TECR: variants seen among roughly 807,000 people sequenced by gnomAD.
TECR encodes trans-2,3-enoyl-CoA reductase, also known as very-long-chain enoyl-CoA reductase.
A neutral mutation model predicts 50.6 loss-of-function variants in TECR; 19 were observed. That is an observed-to-expected ratio of 0.38 (90% CI 0.26 to 0.55). The LOEUF (loss-of-function observed/expected upper bound fraction) is 0.55, where lower values mean the gene tolerates loss of function less well. TECR is among the 20% of genes least tolerant of loss of function. The pLI is 0.79. For synonymous variants in TECR, 168 were observed against 163.5 expected, an observed-to-expected ratio of 1.03 and a Z score of -0.21; for missense variants, 313 against 408.3, an observed-to-expected ratio of 0.77 and a Z score of 2.01.
intron 1 of TECR, among the ~76,000 whole-genome samples, chr19:14,543,771 C>G (rs924252555): frequency 2.0e-5 from 3 of 148,480 alleles, no homozygotes; most frequent in African/African-American, 7.5e-5. Flanking sequence ...CAGAGTCTCC[C>G]TTTGTTGCCC....
chr19:14,532,903 A>G lies in TECR; in HGVS notation c.15+3192A>G, dbSNP rs148501152. Among the ~76,000 whole-genome samples, 1,141 of 152,058 alleles carry G rather than the reference A, an allele frequency of 7.5e-3. 14 individuals are homozygous for G. The highest frequency in any genetic ancestry group is 0.026 in the African/African-American group (1,094 of 41,462). ...GACGGGTGAATCACTTGAAGTCAGG[A>G]GTTCGAGACCAGCCTGGTCAACATG... is the stretch of plus-strand genomic sequence containing the variant. On this transcript the variant is annotated intron_variant, in intron 1 of 12. Coordinates refer to ENST00000215567, the MANE Select transcript of TECR (RefSeq NM_138501.6).
chr19:14,562,283 C>T (rs2073926578), intron 1 of TECR: 3 of 614,562 alleles, frequency 4.9e-6, no homozygotes, highest in African/African-American at 1.9e-5. Context: ...ATCGCGCTTG[C>T]CCGGCCCAGG....
intron 1 of TECR, among the ~76,000 whole-genome samples, chr19:14,539,981 G>A (rs1319619380): frequency 1.3e-5 from 2 of 151,646 alleles, no homozygotes; most frequent in Non-Finnish European, 2.9e-5. Context: ...CCGGGTTCAA[G>A]TGATTCTCCT....
intron 1 of TECR, among the ~76,000 whole-genome samples, chr19:14,550,589 C>T (rs536649656): frequency 6.6e-6 from 1 of 152,254 alleles, no homozygotes; most frequent in African/African-American, 2.4e-5. Flanking sequence ...TCTGGACCAT[C>T]CCCTGGGGGT....
At chr19:14,544,441 C>G (rs1420353902) in intron 1 of TECR, among the ~76,000 whole-genome samples, 1 of 151,974 alleles carries the variant, frequency 6.6e-6, no homozygotes, top group African/African-American at 2.4e-5. Flanking sequence ...GATGCCTGCC[C>G]TCAAAAGTCA....
intron 1 of TECR, among the ~76,000 whole-genome samples, chr19:14,549,211 CTTTTTTT>C (rs561284094): frequency 9.0e-6 from 1 of 111,162 alleles, no homozygotes; most frequent in East Asian, 2.3e-4. Context: ...TTTAATTGGA[CTTTTTTT>C]TTTTTTTTTT....
chr19:14,563,778 G>T lies in TECR; in HGVS notation c.164-22G>T. ...GGGAGAAGGCCCGGGTAGCCCCTGA[G>T]CCCTGGCCCGCCTCTCTGCAGAGGG... On this transcript the variant is annotated intron_variant, in intron 4 of 12. Coordinates refer to ENST00000215567, the MANE Select transcript of TECR (RefSeq NM_138501.6). The surrounding 1 kb of genome is among the most constrained non-coding windows in gnomAD (Gnocchi z 5.3). 6.2e-7 allele frequency: 1 copy of T among 1,612,322 alleles called. No individual in the cohort carries two copies. Among genetic ancestry groups the T allele is most frequent in the Non-Finnish European group, 8.5e-7 (1 of 1,179,606 alleles).
rs71166754 is a variant in TECR at position 14,542,347 on chromosome 19, G to GTT, written c.15+12664_15+12665dup. On this transcript the variant is annotated intron_variant, in intron 1 of 12. Coordinates refer to ENST00000215567, the MANE Select transcript of TECR (RefSeq NM_138501.6). ...CCTCAGGGGGCCCTCATGCCATAGTGTTTTTTTTTTTTTTTTTTTTTTTTT... is the reference window on the plus strand; with the variant it reads ...CCTCAGGGGGCCCTCATGCCATAGTGTTTTTTTTTTTTTTTTTTTTTTTTTTT... Among the ~76,000 whole-genome samples the GTT allele has an allele frequency of 2.9e-3, 125 of 43,290 alleles. 22 individuals carry two copies. Among genetic ancestry groups the GTT allele is most frequent in the East Asian group, 6.9e-3 (10 of 1,454 alleles). The allele number at this position is 43,290 out of a possible 152,430, so 28.4% of individuals were successfully genotyped here. A position where few individuals can be genotyped will look rare whatever the true frequency, so the allele number is the denominator to read the frequency against.
intron 1 of TECR, among the ~76,000 whole-genome samples, chr19:14,549,032 C>T (rs932561030): frequency 3.3e-5 from 5 of 151,506 alleles, no homozygotes; most frequent in African/African-American, 4.9e-5. Context: ...TTTTTCCATC[C>T]GCTTAAAAAG....
In TECR at chr19:14,563,116, AC is replaced by A. The variant is rs1568428584; in HGVS notation, c.67-85del. On this transcript the variant is annotated intron_variant, in intron 2 of 12. Transcript: ENST00000215567. This position sits in a 1 kb window ranked among gnomAD's most constrained non-coding sequence, Gnocchi z 5.3. ...TCCCCCTTCCCATAGCTACAGCCCA[AC>A]CCCCAGCCTGCCATCCCCTTTAGTA... 3 of 1,565,398 alleles carry A rather than the reference AC, an allele frequency of 1.9e-6. No individual in the cohort carries two copies. In the South Asian group the frequency reaches 3.4e-5, roughly 18 times the overall value.
At chr19:14,535,562 A>ATATATATATG (rs1568396549) in intron 1 of TECR, among the ~76,000 whole-genome samples, 6 of 27,912 alleles carry the variant, frequency 2.1e-4, no homozygotes, top group African/African-American at 8.6e-4. Context: ...ATATATATAT[A>ATATATATATG]TATATATATA....
rs569202423 is a variant in TECR, at chr19:14,559,777, A to G, written c.16-2748A>G. On this transcript the variant is annotated intron_variant, in intron 1 of 12. Transcript: ENST00000215567. ...ACTCCAACCTGGGCGACAGAGTGAG[A>G]CTCTGTCTCAAAAAAAAAAAAAAAT... 1.7e-3 allele frequency among the ~76,000 whole-genome samples: 212 copies of G among 124,100 alleles called. 5 individuals are homozygous for G. In the South Asian group the frequency reaches 0.05, roughly 29 times the overall value. 81.4% of individuals were successfully genotyped at this position (124,100 alleles called of 152,430 possible).
intron 1 of TECR, among the ~76,000 whole-genome samples, chr19:14,548,647 G>A (rs1270927241): frequency 3.3e-5 from 5 of 151,740 alleles, no homozygotes; most frequent in Admixed American, 1.3e-4. Flanking sequence ...GTGCGATCTC[G>A]ACTCACTGCA....
chr19:14,565,555 C>T, intron 11 of TECR, 63 bp from the exon 12 acceptor site: 1 of 1,570,678 alleles, frequency 6.4e-7, no homozygotes, highest in South Asian at 1.1e-5. Context: ...CTGGCTGAGT[C>T]CAGGACAGCC....
intron 1 of TECR, among the ~76,000 whole-genome samples, chr19:14,536,171 A>G (rs1044382068): frequency 6.6e-6 from 1 of 151,956 alleles, no homozygotes; most frequent in African/African-American, 2.4e-5. Context: ...GAAGGTGGCA[A>G]TGCTTACGGG....
intron 1 of TECR, among the ~76,000 whole-genome samples, chr19:14,535,580 ATATATATATGTATG>A (rs1385297128): frequency 3.4e-4 from 13 of 38,218 alleles, no homozygotes; most frequent in African/African-American, 9.4e-4. Flanking sequence ...ATATATATAT[ATATATATATGTATG>A]TATATATAAA....
intron 1 of TECR, among the ~76,000 whole-genome samples, chr19:14,549,908 G>A (rs969057708): frequency 2.1e-4 from 31 of 151,002 alleles, no homozygotes; most frequent in Admixed American, 1.8e-3. Context: ...GTGCCACTGC[G>A]CTCCAGCCTG....
intron 2 of TECR, among the ~76,000 whole-genome samples, chr19:14,562,957 A>T (rs1165354271): frequency 6.6e-6 from 1 of 152,000 alleles, no homozygotes; most frequent in African/African-American, 2.4e-5. Context: ...TCCCATGCTT[A>T]ATCCGCCACT....
intron 1 of TECR, chr19:14,530,686 C>T (rs968828631): frequency 1.3e-5 from 2 of 152,122 alleles, no homozygotes; most frequent in Non-Finnish European, 2.9e-5. Context: ...GTCTTAGTTC[C>T]TAGCCACTAT....
Sources: allele counts gnomAD v4.1 joint callset (sites outside exome capture counted in the v4.1 genomes callset), GRCh38; gene constraint gnomAD v4.1.1; non-coding constraint Gnocchi (gnomAD v3.1); transcripts MANE v1.5; gene names NCBI Gene and HGNC (gene_info 2026-07-23, HGNC 2026-07-21).